Variants in CCDC80 observed in about 807,000 individuals in gnomAD.
CCDC80 encodes the protein coiled-coil domain-containing protein 80.
Under a neutral mutation model 78.7 loss-of-function variants are expected in CCDC80, and 49 were observed. That is an observed-to-expected ratio of 0.62 (90% CI 0.50 to 0.79). The LOEUF (loss-of-function observed/expected upper bound fraction) is 0.79. CCDC80 is among the 30% of genes least tolerant of loss of function. The pLI, the probability that CCDC80 is intolerant of heterozygous loss-of-function variation, is 0.00. For missense variants in CCDC80, 1,205 were observed against 1,198.6 expected (o/e 1.01, Z -0.08); for synonymous variants, 488 against 447.0 (o/e 1.09, Z -1.16).
intron 3 of CCDC80, among the ~76,000 whole-genome samples, chr3:112,629,857 AT>A (rs1182421280): frequency 6.6e-6 from 1 of 151,738 alleles, no homozygotes; most frequent in East Asian, 1.9e-4. Flanking sequence ...TACTTTTCCC[AT>A]TTTCTTCCAC....
rs1200674667 is a variant in CCDC80 at position 112,640,875 on chromosome 3, CTTTT to C, written c.-564_-561del. 2 of 151,812 alleles carry C rather than the reference CTTTT, an allele frequency of 1.3e-5. No homozygotes were observed. Among genetic ancestry groups the C allele is most frequent in the Admixed American group, 6.6e-5 (1 of 15,238 alleles). 9.4% of individuals were successfully genotyped at this position (151,812 alleles called of 1,614,324 possible). ...ACAGGAATGTGATGTCGAAAAGGGA[CTTTT>C]TTTTTCTTTCACTGTGCTTCTCTCC... On this transcript the variant is annotated 5_prime_UTR_variant, in exon 1 of 8. Coordinates refer to ENST00000206423, the MANE Select transcript of CCDC80 (RefSeq NM_199511.3).
chr3:112,610,151 G>T, intron 5 of CCDC80, 70 bp from the exon 6 acceptor site: 1 of 1,343,968 alleles, frequency 7.4e-7, no homozygotes, highest in Non-Finnish European at 1.1e-6. Context: ...TAGGAAACCA[G>T]AGTGACTTAG....
At chr3:112,610,144 G>C in intron 5 of CCDC80, 63 bp from the exon 6 acceptor site, 4 of 1,418,624 alleles carry the variant, frequency 2.8e-6, no homozygotes, top group Non-Finnish European at 4.0e-6. Flanking sequence ...ACCAATGTAG[G>C]AAACCAGAGT....
In CCDC80 at chr3:112,615,296, C is replaced by T. The variant is rs139636915; in HGVS notation, c.2321+1414G>A. Among the ~76,000 whole-genome samples the T allele has an allele frequency of 5.8e-4, 89 of 152,212 alleles. 1 individual carries two copies. The highest frequency in any genetic ancestry group is 2.1e-3 in the African/African-American group (88 of 41,518). On this transcript the variant is annotated intron_variant, in intron 5 of 7. Transcript: ENST00000206423. ...CTCTGTCTCACATATGGAGAATGTG[C>T]TTTTAGAGACATGAGTAAAGATTCT...
At chr3:112,609,056 A>AT (rs1935570764) in intron 6 of CCDC80, among the ~76,000 whole-genome samples, 1 of 152,090 alleles carries the variant, frequency 6.6e-6, no homozygotes, top group Non-Finnish European at 1.5e-5. Context: ...CTAATGGAGA[A>AT]TTTTTTAATT....
rs968493574 is a variant in CCDC80 at position 112,597,687 on chromosome 3, G to A, written c.*7730C>T. On this transcript the variant is annotated 3_prime_UTR_variant, in exon 8 of 8. Coordinates refer to ENST00000206423, the MANE Select transcript of CCDC80 (RefSeq NM_199511.3). ...GAAGCCATTGACCATGTTAATGGTG[G>A]AGCCAATATGAAGTACTTGCTAAAT... 1 of 152,122 alleles carries A rather than the reference G, an allele frequency of 6.6e-6. No individual in the cohort carries two copies. Among genetic ancestry groups the A allele is most frequent in the African/African-American group, 2.4e-5 (1 of 41,410 alleles). The allele number at this position is 152,122 out of a possible 1,614,324, so 9.4% of individuals were successfully genotyped here.
At chr3:112,630,507 C>A (rs1266203860) in intron 2 of CCDC80, among the ~76,000 whole-genome samples, 2 of 152,156 alleles carry the variant, frequency 1.3e-5, no homozygotes, top group African/African-American at 4.8e-5. Context: ...CATTACTAGC[C>A]TCCACATGTC....
chr3:112,612,680 TG>T (rs1935655222), intron 5 of CCDC80, among the ~76,000 whole-genome samples: 1 of 152,172 alleles, frequency 6.6e-6, no homozygotes, highest in Non-Finnish European at 1.5e-5. Context: ...AGTATGCATT[TG>T]CCCACTCTTT....
rs1576775965 is a variant in CCDC80 at position 112,603,151 on chromosome 3, C to T, written c.*2266G>A. On this transcript the variant is annotated 3_prime_UTR_variant, in exon 8 of 8. Transcript: ENST00000206423. ...CAACAAAGCCTGAATGACAGCATGT[C>T]TATGGACAGCATGGTTTACTGGACA... The T allele has an allele frequency of 6.6e-6, 1 of 152,072 alleles. No individual in the cohort carries two copies. The allele number at this position is 152,072 out of a possible 1,614,324, so 9.4% of individuals were successfully genotyped here.
Position 112,616,896 on chromosome 3 carries a change from T to G in CCDC80, c.2173-38A>C, listed in dbSNP as rs1342951955. ...AAACAGAATGCATTTAATGTACAAG[T>G]GCATTTCTTCTCTCTATTCAGAGGA... On this transcript the variant is annotated intron_variant, in intron 4 of 7. Transcript: ENST00000206423. 3.7e-6 allele frequency: 6 copies of G among 1,602,404 alleles called. No individual in the cohort carries two copies. The South Asian group carries it at 6.6e-5, about 18-fold the overall frequency.
Position 112,619,027 on chromosome 3 carries a change from A to C in CCDC80, c.2113T>G (p.Tyr705Asp). The change falls in exon 4 of 8, where the codon TAC (tyrosine) becomes GAC (aspartate). Residue 705 changes from tyrosine (Y) to aspartate (D), a missense_variant. Transcript: ENST00000206423. ...AAGAAGTCATTGTAGGTCATTCCGT[A>C]CTCTTTCCTCAGCTCGCTGATGAGA... ...QRLISELRKE[Y>D]GMTYNDFFMV... 6.2e-7 allele frequency: 1 copy of C among 1,612,664 alleles called. No individual in the cohort carries two copies. Among genetic ancestry groups the C allele is most frequent in the Non-Finnish European group, 8.5e-7 (1 of 1,179,636 alleles).
intron 2 of CCDC80, among the ~76,000 whole-genome samples, chr3:112,637,445 C>T (rs574020599): frequency 6.6e-6 from 1 of 152,250 alleles, no homozygotes; most frequent in Admixed American, 6.5e-5. Context: ...CTTCTCTACT[C>T]TCAGTCATAC....
intron 2 of CCDC80, among the ~76,000 whole-genome samples, chr3:112,632,649 G>A (rs148626307): frequency 3.3e-5 from 5 of 152,268 alleles, no homozygotes; most frequent in African/African-American, 1.2e-4. Flanking sequence ...TCCCCTGTGT[G>A]GTAGGTTCTC....
At chr3:112,617,584 C>G (rs191478248) in intron 4 of CCDC80, among the ~76,000 whole-genome samples, 82 of 152,306 alleles carry the variant, frequency 5.4e-4, no homozygotes. Flanking sequence ...GATTATCTGG[C>G]CCAACCTCTC....
At chr3:112,636,518 G>A (rs1936210350) in intron 2 of CCDC80, among the ~76,000 whole-genome samples, 1 of 152,054 alleles carries the variant, frequency 6.6e-6, no homozygotes, top group Non-Finnish European at 1.5e-5. Flanking sequence ...AGAAAATTTG[G>A]GATATGTCCC....
intron 4 of CCDC80, among the ~76,000 whole-genome samples, chr3:112,617,605 T>C (rs931802798): frequency 1.3e-5 from 2 of 152,214 alleles, no homozygotes; most frequent in Non-Finnish European, 2.9e-5. Context: ...TCATTAGAGA[T>C]GAGACAACAT....
At position 112,597,304 on chromosome 3, in the gene CCDC80, G is replaced by A. The variant is rs1280228936; in HGVS notation, c.*8113C>T. On this transcript the variant is annotated 3_prime_UTR_variant, in exon 8 of 8. Coordinates refer to ENST00000206423, the MANE Select transcript of CCDC80 (RefSeq NM_199511.3). ...GGGTAAGAAAGAAAAAATAAAGGCA[G>A]AGCATAACGATGTCACCCATCTTTG... The A allele has an allele frequency of 6.6e-6, 1 of 152,188 alleles. No individual in the cohort carries two copies. The highest frequency in any genetic ancestry group is 1.9e-4 in the East Asian group (1 of 5,192). The allele number at this position is 152,188 out of a possible 1,614,324, so 9.4% of individuals were successfully genotyped here.
intron 6 of CCDC80, among the ~76,000 whole-genome samples, chr3:112,609,253 T>C (rs915602561): frequency 6.6e-6 from 1 of 152,204 alleles, no homozygotes; most frequent in Non-Finnish European, 1.5e-5. Flanking sequence ...TTACTGCCTA[T>C]ATATCCATAT....
rs2107462388 is a variant in CCDC80 at position 112,598,018 on chromosome 3, C to G, written c.*7399G>C. ...TTGAGTCTAAATTTTAAGTTAGTAT[C>G]CTGTATTAAGAACTGGGTTGATCAA... On this transcript the variant is annotated 3_prime_UTR_variant, in exon 8 of 8. Coordinates refer to ENST00000206423, the MANE Select transcript of CCDC80 (RefSeq NM_199511.3). 6.6e-6 allele frequency: 1 copy of G among 152,200 alleles called. No individual in the cohort carries two copies. Among genetic ancestry groups the G allele is most frequent in the South Asian group, 2.1e-4 (1 of 4,816 alleles). The allele number at this position is 152,200 out of a possible 1,614,324, so 9.4% of individuals were successfully genotyped here.
Sources: gnomAD v4.1 joint callset for allele counts (sites outside exome capture counted in the v4.1 genomes callset) on GRCh38, gnomAD v4.1.1 for gene constraint, MANE v1.5 for transcripts, NCBI Gene and HGNC (gene_info 2026-07-23, HGNC 2026-07-21) for gene names.